The following FLT4 variants were observed in gnomAD, a reference collection of about 807,000 sequenced individuals.
The protein encoded by FLT4 is fms related receptor tyrosine kinase 4.
Under a neutral mutation model 163.2 loss-of-function variants are expected in FLT4, and 30 were observed. The observed-to-expected ratio is 0.18, with a 90% confidence interval of 0.14 to 0.25. FLT4 has a LOEUF of 0.25. Ranked by LOEUF, FLT4 falls within the 10% of genes least tolerant of loss-of-function variation. FLT4 has a pLI of 1.00. For missense variants in FLT4, 1,510 were observed against 1,863.8 expected (o/e 0.81, Z 3.50); for synonymous variants, 884 against 789.5 (o/e 1.12, Z -2.01).
chr5:180,620,243 C>T lies in FLT4; in HGVS notation c.2472G>A (p.Leu824=). ...SIIMDPGEVP[L]EEQCEYLSYD... Reference sequence around the variant, plus strand: ...AGGACAGGTATTCGCATTGCTCCTCCAGAGGCACCTCCCCGGGGTCCATGA... The same window carrying T: ...AGGACAGGTATTCGCATTGCTCCTCTAGAGGCACCTCCCCGGGGTCCATGA... Residue 824 remains leucine (L), a synonymous_variant, in exon 17 of 30, where the codon CTG becomes CTA. Transcript: ENST00000261937. The surrounding 1 kb of genome is among the most constrained non-coding windows in gnomAD (Gnocchi z 4.4). The T allele has an allele frequency of 1.2e-6, 2 of 1,612,092 alleles. No individual in the cohort carries two copies. The highest frequency in any genetic ancestry group is 1.3e-5 in the African/African-American group (1 of 75,040).
At position 180,636,119 on chromosome 5, in the gene FLT4, C is replaced by T. The variant is rs760627341; in HGVS notation, c.59-4341G>A. Among the ~76,000 whole-genome samples the T allele has an allele frequency of 2.0e-5, 3 of 152,016 alleles. No homozygotes were observed. Among genetic ancestry groups the T allele is most frequent in the Admixed American group, 6.6e-5 (1 of 15,266 alleles). ...GGCACCGTGCCACCAAAGGAAGCAC[C>T]TGCATCACTGCTGAGCAGGACCATC... is the stretch of plus-strand genomic sequence containing the variant. On this transcript the variant is annotated intron_variant, in intron 1 of 29. Coordinates refer to ENST00000261937, the MANE Select transcript of FLT4 (RefSeq NM_182925.5). This position sits in a 1 kb window ranked among gnomAD's most constrained non-coding sequence, Gnocchi z 4.3.
At chr5:180,626,511 G>C (rs1476809807) in intron 8 of FLT4, among the ~76,000 whole-genome samples, 2 of 152,172 alleles carry the variant, frequency 1.3e-5, no homozygotes, top group African/African-American at 4.8e-5. Flanking sequence ...GTCTGCAGTA[G>C]CACCTCCTGC....
chr5:180,602,781 G>A lies in FLT4; in HGVS notation c.*411C>T, dbSNP rs1044176037. On this transcript the variant is annotated 3_prime_UTR_variant, in exon 30 of 30. Coordinates refer to ENST00000261937, the MANE Select transcript of FLT4 (RefSeq NM_182925.5). ...GGGCGTTTGGGAGACCTCTGCTCTC[G>A]TATGCCTTAACCTCCAACACTGTGT... The A allele has an allele frequency of 2.8e-5, 14 of 493,150 alleles. No homozygotes were observed. The highest frequency in any genetic ancestry group is 1.8e-4 in the East Asian group (6 of 32,930). The allele number at this position is 493,150 out of a possible 1,614,324, so 30.5% of individuals were successfully genotyped here. A position where few individuals can be genotyped will look rare whatever the true frequency, so the allele number is the denominator to read the frequency against.
chr5:180,621,532 C>A lies in FLT4; in HGVS notation c.2020+10G>T, dbSNP rs372363371. ...GAGCGCGTCCCCGCCCTCCCCGCGGCCAGCCTCACCCTGCACCGACAGGTA... is the reference window on the plus strand; with the variant it reads ...GAGCGCGTCCCCGCCCTCCCCGCGGACAGCCTCACCCTGCACCGACAGGTA... On this transcript the variant is annotated intron_variant, in intron 13 of 29. Coordinates refer to ENST00000261937, the MANE Select transcript of FLT4 (RefSeq NM_182925.5). 2 of 1,611,300 alleles carry A rather than the reference C, an allele frequency of 1.2e-6. No individual in the cohort carries two copies. Among genetic ancestry groups the A allele is most frequent in the East Asian group, 2.2e-5 (1 of 44,846 alleles).
chr5:180,604,009 A>G (rs1391126214), intron 29 of FLT4, among the ~76,000 whole-genome samples: 1 of 152,124 alleles, frequency 6.6e-6, no homozygotes, highest in Non-Finnish European at 1.5e-5. Context: ...TGTCTCAAAA[A>G]CAAACTAACA....
chr5:180,631,312 A>G (rs11955184), intron 2 of FLT4, among the ~76,000 whole-genome samples: 4,494 of 152,038 alleles, frequency 0.03, 216 homozygotes, highest in African/African-American at 0.1. Context: ...TCTCTACTAC[A>G]AATACAAAAA....
intron 8 of FLT4, among the ~76,000 whole-genome samples, chr5:180,627,506 C>A (rs1348989277): frequency 6.6e-6 from 1 of 152,178 alleles, no homozygotes; most frequent in African/African-American, 2.4e-5. Context: ...GTGCTGGACA[C>A]ACTGCGGGTG....
At chr5:180,642,582 G>A (rs1043257271) in intron 1 of FLT4, among the ~76,000 whole-genome samples, 20 of 152,122 alleles carry the variant, frequency 1.3e-4, no homozygotes, top group Admixed American at 5.9e-4. Context: ...GTGGCACACC[G>A]GGGGGCTTCA....
intron 1 of FLT4, among the ~76,000 whole-genome samples, chr5:180,645,372 G>A (rs1035200377): frequency 3.3e-5 from 5 of 152,222 alleles, no homozygotes; most frequent in Admixed American, 1.3e-4. Context: ...CAGTTTCCCC[G>A]GCTTCCGTGG....
At chr5:180,626,290 C>T in intron 8 of FLT4, 25 bp from the exon 9 acceptor site, 1 of 1,609,164 alleles carries the variant, frequency 6.2e-7, no homozygotes, top group Non-Finnish European at 8.5e-7. Flanking sequence ...GAGGTCAGGG[C>T]CCATACAGAT....
intron 1 of FLT4, among the ~76,000 whole-genome samples, chr5:180,642,727 G>A (rs757001067): frequency 2.0e-5 from 3 of 152,186 alleles, no homozygotes; most frequent in South Asian, 2.1e-4. Flanking sequence ...CTGTGCACCC[G>A]CCAGAGGAGC....
intron 6 of FLT4, 102 bp downstream of exon 6, chr5:180,629,594 C>A: frequency 5.4e-6 from 8 of 1,485,558 alleles, no homozygotes; most frequent in Non-Finnish European, 7.4e-6. Flanking sequence ...GCCCCTGGGG[C>A]AGGCCTGGGC....
chr5:180,631,419 G>A (rs1344173893), intron 2 of FLT4, among the ~76,000 whole-genome samples: 1 of 152,038 alleles, frequency 6.6e-6, no homozygotes, highest in Non-Finnish European at 1.5e-5. Context: ...CTTGCAGTGA[G>A]CCGAGATCGC....
At chr5:180,628,711 T>C (rs546565126) in intron 8 of FLT4, among the ~76,000 whole-genome samples, 171 bp downstream of exon 8, 87 of 152,262 alleles carry the variant, frequency 5.7e-4, no homozygotes, top group South Asian at 1.0e-3. Flanking sequence ...ATCTGAAATA[T>C]CACATTATGG....
intron 21 of FLT4, 31 bp downstream of exon 21, chr5:180,618,739 A>G (rs201575824): frequency 6.3e-6 from 10 of 1,575,090 alleles, no homozygotes; most frequent in Non-Finnish European, 8.6e-6. Flanking sequence ...CCCGTCAGGC[A>G]CTAGGAAAAG....
At chr5:180,619,428 C>T (rs145030325) in intron 18 of FLT4, 62 bp from the exon 19 acceptor site, 22 of 1,090,732 alleles carry the variant, frequency 2.0e-5, no homozygotes, top group Non-Finnish European at 2.7e-5. Context: ...CCCCGCCACC[C>T]GGCGCTTTTG....
At chr5:180,633,827 A>G (rs1764354275) in intron 1 of FLT4, among the ~76,000 whole-genome samples, 2 of 152,176 alleles carry the variant, frequency 1.3e-5, no homozygotes, top group African/African-American at 4.8e-5. Flanking sequence ...CAGTGGACCT[A>G]GCGGGAGGTC....
Position 180,621,272 on chromosome 5 carries a change from G to C in FLT4, c.2021-20C>G. On this transcript the variant is annotated intron_variant, in intron 13 of 29. Coordinates refer to ENST00000261937, the MANE Select transcript of FLT4 (RefSeq NM_182925.5). ...CCAGGGCTGGGGGCAGGGGTCGAGA[G>C]GGAGCTAAGTGGAGCTGCACTTAGC... 1 of 1,609,742 alleles carries C rather than the reference G, an allele frequency of 6.2e-7. No homozygotes were observed. The highest frequency in any genetic ancestry group is 1.1e-5 in the South Asian group (1 of 90,842).
intron 29 of FLT4, among the ~76,000 whole-genome samples, chr5:180,605,281 G>C (rs754276113): frequency 6.6e-6 from 1 of 152,084 alleles, no homozygotes; most frequent in Non-Finnish European, 1.5e-5. Context: ...CTTTTATTTC[G>C]ATTTCTTTCC....
Sources: gnomAD v4.1 joint callset for allele counts (sites outside exome capture counted in the v4.1 genomes callset) on GRCh38, gnomAD v4.1.1 for gene constraint, Gnocchi (gnomAD v3.1) non-coding constraint, MANE v1.5 for transcripts, NCBI Gene and HGNC (gene_info 2026-07-23, HGNC 2026-07-21) for gene names.